The following C6 variants were observed in gnomAD, a reference collection of about 807,000 sequenced individuals.
The protein encoded by C6 is complement C6.
Under a neutral mutation model 112.9 loss-of-function variants are expected in C6, and 101 were observed. The observed-to-expected ratio is 0.89, with a 90% CI of 0.76 to 1.06. C6 has a LOEUF of 1.06. Among genes scored for constraint, C6 ranks in the 50% least tolerant of loss-of-function variants. The pLI is 0.00. For synonymous variants in C6, 431 were observed against 384.1 expected (o/e 1.12, Z -1.43); for missense variants, 1,202 against 1,104.6 (o/e 1.09, Z -1.25).
At chr5:41,148,867 T>C (rs909196821) in intron 17 of C6, among the ~76,000 whole-genome samples, 2 of 152,196 alleles carry the variant, frequency 1.3e-5, no homozygotes, top group African/African-American at 4.8e-5. Flanking sequence ...GACAGCACTA[T>C]TGGCCTCAGA....
At chr5:41,189,747 A>G (rs1291479718) in intron 5 of C6, among the ~76,000 whole-genome samples, 1 of 151,980 alleles carries the variant, frequency 6.6e-6, no homozygotes, top group Non-Finnish European at 1.5e-5. Context: ...GTAACCTTTA[A>G]CCAATCTCTT....
At chr5:41,175,896 C>T (rs1370392662) in intron 8 of C6, among the ~76,000 whole-genome samples, 1 of 152,160 alleles carries the variant, frequency 6.6e-6, no homozygotes, top group Non-Finnish European at 1.5e-5. Context: ...TACAATAACG[C>T]AAATCTTTTG....
chr5:41,168,568 C>T (rs1278727155), intron 9 of C6, among the ~76,000 whole-genome samples: 2 of 152,054 alleles, frequency 1.3e-5, no homozygotes, highest in Non-Finnish European at 2.9e-5. Context: ...AGATATTCAC[C>T]TTACAGTCTT....
intron 13 of C6, among the ~76,000 whole-genome samples, chr5:41,156,055 A>G (rs571167850): frequency 6.6e-6 from 1 of 152,208 alleles, no homozygotes; most frequent in South Asian, 2.1e-4. Flanking sequence ...ACAATTTTCA[A>G]GGTAAAGTGG....
chr5:41,229,899 C>G (rs1003463210), intron 1 of C6, among the ~76,000 whole-genome samples: 5 of 152,058 alleles, frequency 3.3e-5, no homozygotes, highest in African/African-American at 9.7e-5. Flanking sequence ...ACAGAGGGAC[C>G]AGCTGGAGCC....
chr5:41,173,770 A>G (rs1748621802), intron 8 of C6, among the ~76,000 whole-genome samples: 1 of 152,100 alleles, frequency 6.6e-6, no homozygotes, highest in African/African-American at 2.4e-5. Context: ...GGGCCTGTCT[A>G]CCTCATTTTT....
At chr5:41,240,904 G>T (rs575750910) in intron 1 of C6, among the ~76,000 whole-genome samples, 2 of 152,286 alleles carry the variant, frequency 1.3e-5, no homozygotes, top group Admixed American at 1.3e-4. Context: ...GAAGTCCTTA[G>T]GTCTCCAAAT....
At chr5:41,232,990 C>T (rs1431492616) in intron 1 of C6, among the ~76,000 whole-genome samples, 1 of 152,030 alleles carries the variant, frequency 6.6e-6, no homozygotes, top group Non-Finnish European at 1.5e-5. Context: ...ATCTGCTGCA[C>T]TAGCATTATT....
chr5:41,217,633 T>C (rs953768443), upstream of C6, among the ~76,000 whole-genome samples: 2 of 152,136 alleles, frequency 1.3e-5, no homozygotes, highest in African/African-American at 4.8e-5. Context: ...ATAAACTCTT[T>C]GGTGATTCTT....
intron 5 of C6, among the ~76,000 whole-genome samples, chr5:41,193,390 C>T (rs1339987832): frequency 1.3e-5 from 2 of 152,184 alleles, no homozygotes; most frequent in East Asian, 1.9e-4. Context: ...GATGTTGATA[C>T]TGACTTAAAA....
At chr5:41,185,225 C>T (rs1200921209) in intron 6 of C6, among the ~76,000 whole-genome samples, 4 of 152,150 alleles carry the variant, frequency 2.6e-5, no homozygotes, top group Admixed American at 2.6e-4. Context: ...CCCCACCTAT[C>T]AGTATATATT....
At chr5:41,172,753 G>A (rs1377384139) in intron 8 of C6, 2 of 284,710 alleles carry the variant, frequency 7.0e-6, no homozygotes, top group Non-Finnish European at 1.4e-5. Flanking sequence ...AGATTATGAC[G>A]TGCTCTGATC....
chr5:41,171,760 T>C (rs552219601), intron 9 of C6, among the ~76,000 whole-genome samples: 1 of 152,230 alleles, frequency 6.6e-6, no homozygotes, highest in Non-Finnish European at 1.5e-5. Context: ...CCATTTTTAA[T>C]GCATGGCCCC....
At chr5:41,250,512 G>C (rs1741285764) in intron 1 of C6, among the ~76,000 whole-genome samples, 1 of 152,088 alleles carries the variant, frequency 6.6e-6, no homozygotes, top group East Asian at 1.9e-4. Context: ...TTCATGTTGG[G>C]CCTAGTCAAT....
chr5:41,227,184 A>T (rs533708329), intron 1 of C6, among the ~76,000 whole-genome samples: 156 of 152,084 alleles, frequency 1.0e-3, no homozygotes, highest in African/African-American at 3.6e-3. Flanking sequence ...TGATGATTTT[A>T]ATTTGTATTT....
intron 1 of C6, among the ~76,000 whole-genome samples, chr5:41,245,567 G>A (rs936030795): frequency 9.2e-5 from 14 of 151,982 alleles, no homozygotes; most frequent in Admixed American, 3.3e-4. Context: ...TTTTTTTCCT[G>A]TGGGTAAGTT....
At chr5:41,235,904 G>A (rs369322452) in intron 1 of C6, among the ~76,000 whole-genome samples, 35 of 1,502 alleles carry the variant, frequency 0.023, no homozygotes, top group Middle Eastern at 0.12. Flanking sequence ...CATGTCCTTC[G>A]CCCACTTTTT....
chr5:41,224,478 A>G (rs751860263), intron 1 of C6, among the ~76,000 whole-genome samples: 6 of 152,082 alleles, frequency 3.9e-5, no homozygotes, highest in Non-Finnish European at 7.4e-5. Flanking sequence ...TATTCTTCAC[A>G]TTTCATATAA....
intron 1 of C6, among the ~76,000 whole-genome samples, chr5:41,251,385 A>G (rs551463695): frequency 1.3e-5 from 2 of 152,278 alleles, no homozygotes; most frequent in Non-Finnish European, 2.9e-5. Flanking sequence ...ACCAGATGCA[A>G]TAGGTTGGAT....
Sources: allele counts gnomAD v4.1 joint callset (sites outside exome capture counted in the v4.1 genomes callset), GRCh38; gene constraint gnomAD v4.1.1; transcripts MANE v1.5; gene names NCBI Gene and HGNC (gene_info 2026-07-23, HGNC 2026-07-21).